The following CDK6 variants were observed in gnomAD, a reference collection of about 807,000 sequenced individuals.
CDK6 encodes the protein cyclin dependent kinase 6.
A neutral mutation model predicts 37.1 loss-of-function variants in CDK6; 6 were observed. The ratio of observed to expected loss-of-function variants is 0.16; its 90% CI spans 0.09 to 0.32. The LOEUF (loss-of-function observed/expected upper bound fraction) is 0.32, where lower values mean the gene tolerates loss of function less well. Among genes scored for constraint, CDK6 ranks in the 10% least tolerant of loss-of-function variants. The pLI, the probability that CDK6 is intolerant of heterozygous loss-of-function variation, is 1.00. For synonymous variants in CDK6, 160 were observed against 161.3 expected (o/e 0.99, Z 0.06); for missense variants, 224 against 418.9 (o/e 0.53, Z 4.06).
chr7:92,734,306 C>T (rs988861634), intron 3 of CDK6, among the ~76,000 whole-genome samples: 6 of 152,206 alleles, frequency 3.9e-5, no homozygotes, highest in African/African-American at 1.2e-4. Flanking sequence ...CCTTTCCCCA[C>T]TGATCTCAGT....
intron 5 of CDK6, among the ~76,000 whole-genome samples, chr7:92,646,696 C>A (rs538261307): frequency 1.3e-5 from 2 of 150,918 alleles, no homozygotes; most frequent in East Asian, 2.0e-4. Flanking sequence ...CTGCGCCTGG[C>A]CAGCACCTGG....
chr7:92,624,252 G>A (rs949394998), intron 5 of CDK6, among the ~76,000 whole-genome samples: 3 of 152,098 alleles, frequency 2.0e-5, no homozygotes, highest in African/African-American at 7.2e-5. Context: ...CCAAATTCAT[G>A]TTGAAGCCCA....
chr7:92,698,805 C>T (rs1797777652), intron 4 of CDK6, among the ~76,000 whole-genome samples: 1 of 152,126 alleles, frequency 6.6e-6, no homozygotes, highest in Non-Finnish European at 1.5e-5. Context: ...AGCTTTCCAA[C>T]CTGCATTCCT....
intron 4 of CDK6, among the ~76,000 whole-genome samples, chr7:92,696,488 A>G (rs1797722300): frequency 6.6e-6 from 1 of 152,208 alleles, no homozygotes; most frequent in Non-Finnish European, 1.5e-5. Flanking sequence ...GTATTTTTTT[A>G]ATAGTCTTTA....
chr7:92,714,781 AG>A (rs1357438961), intron 4 of CDK6, among the ~76,000 whole-genome samples: 1 of 151,910 alleles, frequency 6.6e-6, no homozygotes, highest in Non-Finnish European at 1.5e-5. Context: ...ACTTTATAAA[AG>A]TTTTACAGTT....
At chr7:92,635,925 C>T (rs1228421596) in intron 5 of CDK6, among the ~76,000 whole-genome samples, 2 of 152,072 alleles carry the variant, frequency 1.3e-5, no homozygotes, top group East Asian at 1.9e-4. Flanking sequence ...TAGTCAGGGA[C>T]GTGATAAGAG....
intron 4 of CDK6, among the ~76,000 whole-genome samples, chr7:92,682,076 C>T (rs917052271): frequency 1.3e-5 from 2 of 152,172 alleles, no homozygotes; most frequent in Admixed American, 1.3e-4. Context: ...CCCGACAATT[C>T]CATCGAGAGC....
Position 92,724,006 on chromosome 7 carries a change from T to C in CDK6, c.537+1620A>G, listed in dbSNP as rs551708816. 1.4e-3 allele frequency among the ~76,000 whole-genome samples: 220 copies of C among 152,036 alleles called. 1 individual carries two copies. The highest frequency in any genetic ancestry group is 3.4e-3 in the Middle Eastern group (1 of 290). ...ATTTGGGGGGATTAAAATAAAAGCG[T>C]CCATCTCAGTTACAGCTTATCCTTC... On this transcript the variant is annotated intron_variant, in intron 4 of 7. Coordinates refer to ENST00000424848, the MANE Select transcript of CDK6 (RefSeq NM_001145306.2).
At chr7:92,675,951 T>G (rs2116613698) in intron 4 of CDK6, among the ~76,000 whole-genome samples, 1 of 152,218 alleles carries the variant, frequency 6.6e-6, no homozygotes, top group East Asian at 1.9e-4. Context: ...ATGTTGTAAA[T>G]TTTTGTTTTC....
intron 2 of CDK6, among the ~76,000 whole-genome samples, chr7:92,782,494 A>T (rs549784763): frequency 1.3e-5 from 2 of 152,284 alleles, no homozygotes; most frequent in African/African-American, 4.8e-5. Context: ...GGTGGACAGG[A>T]GCATAATAAT....
intron 2 of CDK6, among the ~76,000 whole-genome samples, chr7:92,801,228 T>C (rs1323550451): frequency 6.6e-6 from 1 of 152,172 alleles, no homozygotes; most frequent in Non-Finnish European, 1.5e-5. Flanking sequence ...TTTATTTCAC[T>C]CTTTTTATTT....
chr7:92,634,034 A>T (rs1365780648), intron 5 of CDK6, among the ~76,000 whole-genome samples: 1 of 152,158 alleles, frequency 6.6e-6, no homozygotes, highest in Non-Finnish European at 1.5e-5. Context: ...CTGATGAACA[A>T]AAGTTTTCAA....
chr7:92,699,812 C>T (rs3731318), intron 4 of CDK6, among the ~76,000 whole-genome samples: 7,228 of 152,206 alleles, frequency 0.047, 416 homozygotes, highest in East Asian at 0.33. Flanking sequence ...GCGAGGTAGA[C>T]GTAAATAATT....
In CDK6 at chr7:92,607,884, G is replaced by A. The variant is rs1022245512; in HGVS notation, c.*7256C>T. 2 of 233,274 alleles carry A rather than the reference G, an allele frequency of 8.6e-6. No individual in the cohort carries two copies. Among genetic ancestry groups the A allele is most frequent in the Non-Finnish European group, 1.7e-5 (2 of 117,914 alleles). The allele number at this position is 233,274 out of a possible 1,614,324, so 14.5% of individuals were successfully genotyped here. On this transcript the variant is annotated 3_prime_UTR_variant, in exon 8 of 8. Transcript: ENST00000424848. Reference sequence around the variant, plus strand: ...ATTTTTGCAAACACAGGATCAGAATGAAAAGATATATCATGCACTGTGAGG... The same window carrying A: ...ATTTTTGCAAACACAGGATCAGAATAAAAAGATATATCATGCACTGTGAGG...
intron 4 of CDK6, among the ~76,000 whole-genome samples, chr7:92,702,358 G>A (rs1797871377): frequency 6.9e-6 from 1 of 144,880 alleles, no homozygotes; most frequent in South Asian, 2.3e-4. Context: ...TTAGCCTCCC[G>A]AGTAGCTGGG....
Position 92,800,709 on chromosome 7 carries a change from T to C in CDK6, c.234-25878A>G, listed in dbSNP as rs113470762. On this transcript the variant is annotated intron_variant, in intron 2 of 7. Transcript: ENST00000424848. ...AGGCACTATTTATGAACATGTTCTA[T>C]GCCATGTACTGCTATTCCCTGTAGC... 1.5e-3 allele frequency among the ~76,000 whole-genome samples: 230 copies of C among 151,606 alleles called. 2 individuals carry two copies. The highest frequency in any genetic ancestry group is 5.4e-3 in the African/African-American group (219 of 40,868).
intron 4 of CDK6, among the ~76,000 whole-genome samples, chr7:92,712,587 G>A (rs117187618): frequency 0.01 from 1,566 of 152,204 alleles, 17 homozygotes; most frequent in Middle Eastern, 0.02. Context: ...AAACCAAGAA[G>A]TCGTTATAGA....
At chr7:92,691,588 A>C (rs1483974125) in intron 4 of CDK6, among the ~76,000 whole-genome samples, 1 of 152,226 alleles carries the variant, frequency 6.6e-6, no homozygotes, top group Non-Finnish European at 1.5e-5. Context: ...GGAGCCAAAC[A>C]AAAGTTTAAT....
intron 4 of CDK6, among the ~76,000 whole-genome samples, chr7:92,705,805 T>A (rs1012983048): frequency 1.3e-5 from 2 of 152,124 alleles, no homozygotes; most frequent in Admixed American, 1.3e-4. Flanking sequence ...AAGACTAAAT[T>A]AGAGAATAAG....
Sources: gnomAD v4.1 joint callset for allele counts (sites outside exome capture counted in the v4.1 genomes callset) on GRCh38, gnomAD v4.1.1 for gene constraint, MANE v1.5 for transcripts, NCBI Gene and HGNC (gene_info 2026-07-23, HGNC 2026-07-21) for gene names.